VPS54: variants seen among roughly 807,000 people sequenced by gnomAD.
VPS54 encodes the protein VPS54 subunit of GARP complex.
In VPS54, 45 loss-of-function variants were observed where a neutral mutation model predicts 121.5. The ratio of observed to expected loss-of-function variants is 0.37; its 90% confidence interval spans 0.29 to 0.47. VPS54 has a LOEUF of 0.47. VPS54 is among the 20% of genes least tolerant of loss of function. The pLI, the probability that VPS54 is intolerant of heterozygous loss-of-function variation, is 0.99. For synonymous variants in VPS54, 371 were observed against 385.8 expected (o/e 0.96, Z 0.45); for missense variants, 1,090 against 1,131.4 (o/e 0.96, Z 0.52).
chr2:63,954,490 T>G (rs988009972), intron 7 of VPS54, among the ~76,000 whole-genome samples: 2 of 152,120 alleles, frequency 1.3e-5, no homozygotes, highest in Non-Finnish European at 2.9e-5. Flanking sequence ...GTAAGAATTG[T>G]CCTTCAAAGG....
In VPS54 at chr2:63,962,220, C is replaced by A; in HGVS notation, c.848G>T (p.Cys283Phe). ...CTTCAGCTTATTGTATACTTTAACACAATTATTTCTGGTAAGTGCCAGTCT... is the reference window on the plus strand; with the variant it reads ...CTTCAGCTTATTGTATACTTTAACAAAATTATTTCTGGTAAGTGCCAGTCT... Reference protein sequence around the residue: ...ILRLALTRNNCVKVYNKLKLM... With the variant: ...ILRLALTRNNFVKVYNKLKLM... Residue 283 changes from cysteine (C) to phenylalanine (F), a missense_variant, in exon 7 of 23, where the codon TGT becomes TTT. This residue lies in a region of VPS54 where 801 missense variants were observed against 757.0 expected (regional missense o/e 1.06). Transcript: ENST00000272322. 1 of 1,613,998 alleles carries A rather than the reference C, an allele frequency of 6.2e-7. No individual in the cohort carries two copies. The highest frequency in any genetic ancestry group is 1.1e-5 in the South Asian group (1 of 91,078).
chr2:64,009,475 C>T (rs1678327498), intron 1 of VPS54, among the ~76,000 whole-genome samples: 1 of 152,022 alleles, frequency 6.6e-6, no homozygotes, highest in Admixed American at 6.5e-5. Flanking sequence ...AGCACCACAC[C>T]CGGCTAATCT....
At chr2:63,913,753 G>T in intron 17 of VPS54, 1 of 757,240 alleles carries the variant, frequency 1.3e-6, no homozygotes, top group Non-Finnish European at 1.6e-6. Context: ...ATATGAAATG[G>T]CTGAATAAAA....
intron 20 of VPS54, among the ~76,000 whole-genome samples, chr2:63,906,467 A>G (rs1364497006): frequency 1.3e-5 from 2 of 152,262 alleles, no homozygotes; most frequent in African/African-American, 4.8e-5. Flanking sequence ...TGTGTGCATT[A>G]TCTGTTTACT....
intron 6 of VPS54, among the ~76,000 whole-genome samples, chr2:63,965,190 T>C (rs980038304): frequency 2.8e-4 from 43 of 152,098 alleles, no homozygotes; most frequent in Non-Finnish European, 3.2e-4. Flanking sequence ...AATTAGCCAA[T>C]GTGGGGCTGG....
chr2:63,947,437 A>G lies in VPS54; in HGVS notation c.1191T>C (p.Phe397=), dbSNP rs1168004049. 1 of 1,553,502 alleles carries G rather than the reference A, an allele frequency of 6.4e-7. No individual in the cohort carries two copies. Among genetic ancestry groups the G allele is most frequent in the Non-Finnish European group, 8.8e-7 (1 of 1,135,820 alleles). ...CCATTTTTTCACCATAGATTTCTAAAAAATTAAGCTTTCTTTGTTTTAAAA... is the reference window on the plus strand; with the variant it reads ...CCATTTTTTCACCATAGATTTCTAAGAAATTAAGCTTTCTTTGTTTTAAAA... ...FGLLKQRKLN[F]LEIYGEKMVI... The change falls in exon 9 of 23, where the codon TTT becomes TTC. Residue 397 remains phenylalanine (F), a synonymous_variant. Coordinates refer to ENST00000272322, the MANE Select transcript of VPS54 (RefSeq NM_016516.3).
chr2:63,928,564 T>C (rs1674027810), intron 12 of VPS54, among the ~76,000 whole-genome samples: 1 of 151,984 alleles, frequency 6.6e-6, no homozygotes, highest in African/African-American at 2.4e-5. Context: ...CAGGCCAAAT[T>C]GTAAAGACCA....
chr2:63,917,111 G>C (rs1415143627), intron 15 of VPS54, 148 bp from the exon 16 acceptor site: 1 of 740,640 alleles, frequency 1.4e-6, no homozygotes, highest in Non-Finnish European at 2.2e-6. Context: ...TTGGCACACA[G>C]TAAATAAAGT....
intron 1 of VPS54, among the ~76,000 whole-genome samples, chr2:64,001,290 G>A (rs539591706): frequency 2.0e-5 from 3 of 152,266 alleles, no homozygotes; most frequent in African/African-American, 7.2e-5. Flanking sequence ...CTGGTCCAGG[G>A]CAGGTCCAGA....
chr2:63,982,622 T>C (rs999274635), intron 2 of VPS54, among the ~76,000 whole-genome samples: 1 of 152,216 alleles, frequency 6.6e-6, no homozygotes, highest in Non-Finnish European at 1.5e-5. Context: ...AACAGTACTA[T>C]AATTTATGCC....
At chr2:63,911,156 G>A (rs925679863) in intron 20 of VPS54, among the ~76,000 whole-genome samples, 1 of 152,182 alleles carries the variant, frequency 6.6e-6, no homozygotes, top group East Asian at 1.9e-4. Flanking sequence ...GTACACAGAA[G>A]AATGCTGTAT....
chr2:63,998,882 T>C (rs1019709328), intron 1 of VPS54, among the ~76,000 whole-genome samples: 2 of 152,180 alleles, frequency 1.3e-5, no homozygotes, highest in African/African-American at 4.8e-5. Context: ...ATATTGCCAG[T>C]TAGTTTTACA....
intron 1 of VPS54, among the ~76,000 whole-genome samples, chr2:64,008,476 C>G (rs535228468): frequency 3.3e-5 from 5 of 150,358 alleles, no homozygotes; most frequent in African/African-American, 1.2e-4. Context: ...TACATACACA[C>G]AGGAATGGGG....
At chr2:63,895,437 G>A (rs1672407852) in intron 22 of VPS54, among the ~76,000 whole-genome samples, 1 of 152,186 alleles carries the variant, frequency 6.6e-6, no homozygotes, top group Admixed American at 6.5e-5. Flanking sequence ...CTGTGTGACA[G>A]AGTGATACTC....
chr2:63,918,318 T>C (rs1328594282), intron 15 of VPS54, among the ~76,000 whole-genome samples: 1 of 152,006 alleles, frequency 6.6e-6, no homozygotes, highest in African/African-American at 2.4e-5. Flanking sequence ...AATCATTCTG[T>C]TTGCTTAACA....
chr2:63,924,775 C>A (rs1213896334), intron 12 of VPS54, among the ~76,000 whole-genome samples: 2 of 152,106 alleles, frequency 1.3e-5, no homozygotes, highest in Admixed American at 1.3e-4. Context: ...ATACGCCTAT[C>A]TGAATATTTG....
intron 12 of VPS54, among the ~76,000 whole-genome samples, chr2:63,931,141 C>T (rs1674178163): frequency 6.6e-6 from 1 of 152,180 alleles, no homozygotes; most frequent in African/African-American, 2.4e-5. Context: ...CACTGACTTT[C>T]TTCACAGAAA....
intron 12 of VPS54, among the ~76,000 whole-genome samples, chr2:63,923,178 T>C (rs1673727192): frequency 6.6e-6 from 1 of 151,628 alleles, no homozygotes; most frequent in Non-Finnish European, 1.5e-5. Flanking sequence ...TAGCCAGGCG[T>C]GGTGGCAGGC....
In VPS54 at chr2:64,011,521, A is replaced by G. The variant is rs573986926; in HGVS notation, c.-21+7417T>C. Among the ~76,000 whole-genome samples, 8 of 152,266 alleles carry G rather than the reference A, an allele frequency of 5.3e-5. No individual in the cohort carries two copies. The East Asian group carries it at 1.4e-3, about 26-fold the overall frequency. ...GGGGAGGTTGCAGTGAGCCGTGATT[A>G]TACCACTGCACTCCAGCTTAGCAAC... On this transcript the variant is annotated intron_variant, in intron 1 of 22. Coordinates refer to ENST00000272322, the MANE Select transcript of VPS54 (RefSeq NM_016516.3).
Sources: allele counts gnomAD v4.1 joint callset (sites outside exome capture counted in the v4.1 genomes callset), GRCh38; gene constraint gnomAD v4.1.1; regional missense constraint gnomAD v4.1.1; transcripts MANE v1.5; gene names NCBI Gene and HGNC (gene_info 2026-07-23, HGNC 2026-07-21).